IQCK: variants seen among roughly 807,000 people sequenced by gnomAD.
The protein encoded by IQCK is IQ motif containing K.
Under a neutral mutation model 28.1 loss-of-function variants are expected in IQCK, and 29 were observed. The ratio of observed to expected loss-of-function variants is 1.03; its 90% CI spans 0.77 to 1.41. IQCK has a LOEUF of 1.41. Ranked by LOEUF, IQCK falls within the 40% of genes most tolerant of loss-of-function variation. IQCK has a pLI of 0.00. For missense variants in IQCK, 359 were observed against 314.7 expected (o/e 1.14, Z -1.07); for synonymous variants, 113 against 115.1 (o/e 0.98, Z 0.12).
chr16:19,792,627 G>A (rs1479469218), intron 7 of IQCK, among the ~76,000 whole-genome samples: 2 of 94,746 alleles, frequency 2.1e-5, no homozygotes, highest in East Asian at 2.7e-4. Context: ...GCTGGAGTGC[G>A]GTGGCGTGAT....
intron 4 of IQCK, chr16:19,735,656 A>G: frequency 1.8e-6 from 1 of 554,298 alleles, no homozygotes; most frequent in Non-Finnish European, 3.2e-6. Flanking sequence ...GGCCACTTGG[A>G]CTCCGGAGAG....
chr16:19,758,210 CA>C (rs1157372348), intron 4 of IQCK, among the ~76,000 whole-genome samples: 1 of 152,148 alleles, frequency 6.6e-6, no homozygotes, highest in African/African-American at 2.4e-5. Context: ...TCACTCACCA[CA>C]ACTTTTCATT....
At chr16:19,838,628 C>G (rs1038013766) in intron 9 of IQCK, among the ~76,000 whole-genome samples, 1 of 152,172 alleles carries the variant, frequency 6.6e-6, no homozygotes, top group African/African-American at 2.4e-5. Flanking sequence ...CAAAGATCCG[C>G]AATCCTCATA....
At chr16:19,785,849 CT>C (rs1219822478) in intron 6 of IQCK, among the ~76,000 whole-genome samples, 5 of 152,160 alleles carry the variant, frequency 3.3e-5, no homozygotes, top group Admixed American at 3.3e-4. Flanking sequence ...TACTTTTGTC[CT>C]TTCGTTTTCA....
intron 1 of IQCK, among the ~76,000 whole-genome samples, chr16:19,726,034 G>A (rs1010018365): frequency 6.6e-5 from 10 of 151,586 alleles, no homozygotes; most frequent in Admixed American, 6.6e-5. Flanking sequence ...TCCTGCCTCA[G>A]CCTCCCAAGT....
At chr16:19,724,827 C>T (rs1184572270) in intron 1 of IQCK, among the ~76,000 whole-genome samples, 8 of 152,152 alleles carry the variant, frequency 5.3e-5, no homozygotes, top group African/African-American at 7.2e-5. Context: ...CCACCGTGCC[C>T]GGCCACCAGT....
rs186519475 is a variant in IQCK at position 19,742,368 on chromosome 16, G to A, written c.474+6918G>A. Among the ~76,000 whole-genome samples the A allele has an allele frequency of 3.9e-3, 589 of 152,208 alleles. 2 individuals are homozygous for A. Among genetic ancestry groups the A allele is most frequent in the African/African-American group, 0.013 (523 of 41,536 alleles). ...ATTCCCTCCATGTTCCCCCGTCCCC[G>A]GTCATCTAGTCTTTTGTGGGTTATT... is the stretch of plus-strand genomic sequence containing the variant. On this transcript the variant is annotated intron_variant, in intron 4 of 7. Transcript: ENST00000564186.
intron 1 of IQCK, among the ~76,000 whole-genome samples, chr16:19,728,782 A>T (rs1977738821): frequency 6.6e-6 from 1 of 152,248 alleles, no homozygotes; most frequent in Non-Finnish European, 1.5e-5. Context: ...AAACGAATAC[A>T]GTTGGTATTG....
At chr16:19,790,526 C>G (rs1044405026) in intron 7 of IQCK, among the ~76,000 whole-genome samples, 1 of 115,988 alleles carries the variant, frequency 8.6e-6, no homozygotes, top group Non-Finnish European at 1.5e-5. Context: ...TCTTCATACT[C>G]TATACACAGC....
At chr16:19,728,608 G>A (rs1977732760) in intron 1 of IQCK, among the ~76,000 whole-genome samples, 1 of 152,142 alleles carries the variant, frequency 6.6e-6, no homozygotes, top group African/African-American at 2.4e-5. Context: ...GCTTGGAAAA[G>A]TATCCCAACC....
At chr16:19,856,499 T>C in exon 10 of IQCK, 2 of 1,613,730 alleles carry the variant, frequency 1.2e-6, no homozygotes, top group Non-Finnish European at 1.7e-6. Flanking sequence ...AAATGCAAAA[T>C]GGAGGACGAT....
intron 6 of IQCK, among the ~76,000 whole-genome samples, chr16:19,781,698 T>C (rs1043787675): frequency 6.6e-6 from 1 of 152,162 alleles, no homozygotes; most frequent in Non-Finnish European, 1.5e-5. Flanking sequence ...GCCAATAATG[T>C]GATGCCTCGG....
intron 4 of IQCK, chr16:19,735,885 A>AC (rs1461186891): frequency 2.9e-6 from 1 of 345,570 alleles, no homozygotes; most frequent in African/African-American, 2.1e-5. Flanking sequence ...ACATAGTGAG[A>AC]CCCCCATCTC....
chr16:19,822,469 G>A (rs919760320), intron 7 of IQCK, among the ~76,000 whole-genome samples: 1 of 151,376 alleles, frequency 6.6e-6, no homozygotes, highest in African/African-American at 2.4e-5. Flanking sequence ...CTATACGATA[G>A]ATATTATTCA....
intron 7 of IQCK, among the ~76,000 whole-genome samples, chr16:19,808,813 C>G (rs2055864583): frequency 6.6e-6 from 1 of 152,206 alleles, no homozygotes; most frequent in Admixed American, 6.5e-5. Context: ...TGTGAGCCAC[C>G]TAGTACCCTG....
chr16:19,820,648 C>CAA (rs35161795), intron 7 of IQCK, among the ~76,000 whole-genome samples: 1,604 of 109,018 alleles, frequency 0.015, 30 homozygotes, highest in African/African-American at 0.045. Flanking sequence ...AACTCTGTAT[C>CAA]AAAAAAAAAA....
intron 9 of IQCK, among the ~76,000 whole-genome samples, chr16:19,850,118 C>T (rs1285001874): frequency 6.6e-6 from 1 of 152,194 alleles, no homozygotes; most frequent in African/African-American, 2.4e-5. Context: ...GACTTTTGGG[C>T]ATTTAGGTTG....
chr16:19,820,039 T>G (rs922824620), intron 7 of IQCK, among the ~76,000 whole-genome samples: 3 of 152,088 alleles, frequency 2.0e-5, no homozygotes, highest in African/African-American at 7.2e-5. Context: ...GATATCCACA[T>G]GCCAAAAATG....
At chr16:19,761,159 T>C in intron 4 of IQCK, 1 of 311,214 alleles carries the variant, frequency 3.2e-6, no homozygotes, top group Non-Finnish European at 6.4e-6. Flanking sequence ...TGCAGCCCAA[T>C]AGGTCTCAGC....
Sources: allele counts gnomAD v4.1 joint callset (sites outside exome capture counted in the v4.1 genomes callset), GRCh38; gene constraint gnomAD v4.1.1; transcripts MANE v1.5; gene names NCBI Gene and HGNC (gene_info 2026-07-23, HGNC 2026-07-21).